Variants in KALRN observed in about 807,000 individuals in gnomAD.
The protein encoded by KALRN is kalirin.
In KALRN, 70 loss-of-function variants were observed where a neutral mutation model predicts 353.7. The observed-to-expected ratio is 0.20, with a 90% CI of 0.16 to 0.24. The LOEUF (loss-of-function observed/expected upper bound fraction) is 0.24, where lower values mean the gene tolerates loss of function less well. Ranked by LOEUF, KALRN falls within the 10% of genes least tolerant of loss-of-function variation. The pLI, the probability that KALRN is intolerant of heterozygous loss-of-function variation, is 1.00. For synonymous variants in KALRN, 1,391 were observed against 1,434.8 expected, an observed-to-expected ratio of 0.97 and a Z score of 0.69; for missense variants, 2,791 against 3,756.7, an observed-to-expected ratio of 0.74 and a Z score of 6.72.
intron 36 of KALRN, among the ~76,000 whole-genome samples, chr3:124,634,188 G>T (rs545751198): frequency 2.6e-5 from 4 of 152,270 alleles, no homozygotes; most frequent in South Asian, 2.1e-4. Flanking sequence ...GTGGGAATCT[G>T]CCTGGTGTCT....
At chr3:124,492,671 G>T in intron 31 of KALRN, 69 bp from the exon 32 acceptor site, 1 of 1,498,476 alleles carries the variant, frequency 6.7e-7, no homozygotes. Context: ...ACTGCAGGAG[G>T]GTTGAGAACT....
chr3:124,458,274 T>TTAA (rs2059524456), intron 23 of KALRN, among the ~76,000 whole-genome samples: 1 of 30,854 alleles, frequency 3.2e-5, no homozygotes, highest in Admixed American at 3.0e-4. Flanking sequence ...AGACTCTGTC[T>TTAA]CAAAAAAAAA....
intron 3 of KALRN, among the ~76,000 whole-genome samples, chr3:124,254,821 T>G (rs1404315725): frequency 6.6e-6 from 1 of 152,208 alleles, no homozygotes; most frequent in Non-Finnish European, 1.5e-5. Context: ...GCTGGTCTCC[T>G]GCTTCCTTAC....
chr3:124,377,371 T>C (rs1453942318), intron 10 of KALRN, among the ~76,000 whole-genome samples: 1 of 152,214 alleles, frequency 6.6e-6, no homozygotes, highest in Admixed American at 6.5e-5. Context: ...AATATTTCTG[T>C]TACTGATTTC....
chr3:124,159,860 G>A (rs2069644208), intron 1 of KALRN, among the ~76,000 whole-genome samples: 1 of 152,044 alleles, frequency 6.6e-6, no homozygotes, highest in Non-Finnish European at 1.5e-5. Flanking sequence ...GTGAGGACTA[G>A]AGGTACTGAT....
chr3:124,600,017 G>A (rs1481039995), intron 34 of KALRN, among the ~76,000 whole-genome samples: 1 of 152,204 alleles, frequency 6.6e-6, no homozygotes, highest in African/African-American at 2.4e-5. Context: ...GCAAGCCAGG[G>A]CTGCAAGAGC....
At chr3:124,349,391 T>A (rs570368401) in intron 10 of KALRN, among the ~76,000 whole-genome samples, 3 of 152,324 alleles carry the variant, frequency 2.0e-5, no homozygotes, top group Non-Finnish European at 4.4e-5. Flanking sequence ...ATGTGGCCCA[T>A]GATGGCTTTG....
At chr3:124,358,885 AC>A (rs1344201975) in intron 10 of KALRN, among the ~76,000 whole-genome samples, 6 of 152,090 alleles carry the variant, frequency 3.9e-5, no homozygotes, top group African/African-American at 1.4e-4. Context: ...GCTGTCAACC[AC>A]CCTGCTGTGG....
chr3:124,087,301 C>T (rs1325406176), intron 1 of KALRN, among the ~76,000 whole-genome samples: 1 of 152,178 alleles, frequency 6.6e-6, no homozygotes, highest in East Asian at 1.9e-4. Context: ...GACATACTTA[C>T]TTCCTGTCAG....
intron 10 of KALRN, among the ~76,000 whole-genome samples, chr3:124,371,193 A>G (rs1369503458): frequency 2.6e-5 from 4 of 152,214 alleles, no homozygotes; most frequent in Non-Finnish European, 4.4e-5. Flanking sequence ...ATGTTATGAC[A>G]AGTTAGTATG....
intron 1 of KALRN, among the ~76,000 whole-genome samples, chr3:124,097,989 T>C (rs530805799): frequency 6.6e-6 from 1 of 152,326 alleles, no homozygotes; most frequent in Non-Finnish European, 1.5e-5. Context: ...CTCATAGAGA[T>C]AAGAAGCATG....
At position 124,314,406 on chromosome 3, in the gene KALRN, G is replaced by A. The variant is rs574320794; in HGVS notation, c.1093-11574G>A. The stretch of plus-strand genomic sequence containing the variant: ...AGGAGATATACCTAATGTAAAGGAC[G>A]AGTTAATGGGTACAGCACACCAACA... On this transcript the variant is annotated intron_variant, in intron 6 of 59. Coordinates refer to ENST00000682506, the MANE Select transcript of KALRN (RefSeq NM_001388419.1). Among the ~76,000 whole-genome samples, 6 of 151,566 alleles carry A rather than the reference G, an allele frequency of 4.0e-5. No individual in the cohort carries two copies. In the South Asian group the frequency reaches 1.0e-3, roughly 27 times the overall value.
chr3:124,157,788 A>G (rs987005807), intron 1 of KALRN, among the ~76,000 whole-genome samples: 3 of 152,166 alleles, frequency 2.0e-5, no homozygotes, highest in African/African-American at 7.2e-5. Context: ...AGTGCAGCAG[A>G]GGAGAAGAGG....
chr3:124,666,863 C>T (rs2085702562), intron 46 of KALRN, 149 bp from the exon 47 acceptor site: 1 of 826,132 alleles, frequency 1.2e-6, no homozygotes, highest in East Asian at 2.7e-5. Context: ...TGTCACTCAC[C>T]CAGAGACAAA....
chr3:124,265,468 T>G (rs2073413924), intron 4 of KALRN, among the ~76,000 whole-genome samples: 1 of 151,450 alleles, frequency 6.6e-6, no homozygotes. Context: ...AATTTTTGTG[T>G]TTTTAGTAGA....
intron 57 of KALRN, among the ~76,000 whole-genome samples, chr3:124,703,443 TATTTA>T (rs1270497719): frequency 6.6e-6 from 1 of 152,178 alleles, no homozygotes; most frequent in Non-Finnish European, 1.5e-5. Flanking sequence ...ACACAAACAT[TATTTA>T]ATTTAATCCA....
intron 55 of KALRN, among the ~76,000 whole-genome samples, chr3:124,698,730 C>G (rs1048085101): frequency 2.8e-4 from 42 of 152,138 alleles, no homozygotes; most frequent in African/African-American, 9.7e-4. Flanking sequence ...GTTCTACACC[C>G]CCTATCCCCA....
intron 8 of KALRN, among the ~76,000 whole-genome samples, chr3:124,331,647 G>A (rs147711984): frequency 0.03 from 4,507 of 148,308 alleles, 110 homozygotes; most frequent in Middle Eastern, 0.055. Context: ...TTAGAACTGT[G>A]CCTCTGCCCA....
chr3:124,695,174 G>T (rs559599720), intron 53 of KALRN, among the ~76,000 whole-genome samples: 1 of 152,270 alleles, frequency 6.6e-6, no homozygotes, highest in South Asian at 2.1e-4. Context: ...AAGCCGCAAG[G>T]ATGCTTCTAC....
Sources: gnomAD v4.1 joint callset for allele counts (sites outside exome capture counted in the v4.1 genomes callset) on GRCh38, gnomAD v4.1.1 for gene constraint, MANE v1.5 for transcripts, NCBI Gene and HGNC (gene_info 2026-07-23, HGNC 2026-07-21) for gene names.